The following ARHGAP10 variants were observed in gnomAD, a reference collection of about 807,000 sequenced individuals.
ARHGAP10 encodes Rho GTPase activating protein 10.
ARHGAP10 carries 87 observed loss-of-function variants against 108.6 expected under a neutral mutation model. That is an observed-to-expected ratio of 0.80 (90% CI 0.67 to 0.96). ARHGAP10 has a LOEUF of 0.96. ARHGAP10 is among the 40% of genes least tolerant of loss of function. ARHGAP10 has a pLI of 0.00. For synonymous variants in ARHGAP10, 347 were observed against 341.1 expected (o/e 1.02, Z -0.19); for missense variants, 939 against 954.5 (o/e 0.98, Z 0.21).
intron 20 of ARHGAP10, among the ~76,000 whole-genome samples, chr4:148,050,139 T>C (rs1249215342): frequency 1.3e-5 from 2 of 152,184 alleles, no homozygotes; most frequent in African/African-American, 2.4e-5. Flanking sequence ...AATGCTGGGA[T>C]TACAGGCGTG....
intron 4 of ARHGAP10, among the ~76,000 whole-genome samples, chr4:147,849,986 G>C (rs1432816571): frequency 6.6e-6 from 1 of 152,204 alleles, no homozygotes; most frequent in African/African-American, 2.4e-5. Flanking sequence ...GAACTTTTCT[G>C]TCTAGCTAAA....
chr4:147,990,452 C>G (rs552611175), intron 18 of ARHGAP10, among the ~76,000 whole-genome samples: 2 of 152,294 alleles, frequency 1.3e-5, no homozygotes, highest in South Asian at 4.1e-4. Context: ...TCCAAGATAA[C>G]TAAAAGTCAG....
chr4:148,055,151 C>T (rs115148499), intron 20 of ARHGAP10, among the ~76,000 whole-genome samples: 4 of 152,304 alleles, frequency 2.6e-5, no homozygotes, highest in African/African-American at 4.8e-5. Context: ...TGTAATTCTG[C>T]GCCTGTTCTC....
intron 9 of ARHGAP10, among the ~76,000 whole-genome samples, chr4:147,880,950 C>T (rs923113211): frequency 1.3e-5 from 2 of 152,182 alleles, no homozygotes; most frequent in African/African-American, 4.8e-5. Flanking sequence ...ATTCCAGTAT[C>T]TTAAAACTGT....
At chr4:147,928,254 A>G (rs1292643996) in intron 13 of ARHGAP10, among the ~76,000 whole-genome samples, 1 of 152,218 alleles carries the variant, frequency 6.6e-6, no homozygotes, top group African/African-American at 2.4e-5. Context: ...CCCAGAAGTG[A>G]GTATTTGCTT....
At chr4:147,744,777 G>A (rs1014923192) in intron 1 of ARHGAP10, among the ~76,000 whole-genome samples, 2 of 152,098 alleles carry the variant, frequency 1.3e-5, no homozygotes, top group African/African-American at 4.8e-5. Flanking sequence ...AAGGTATTTC[G>A]TAGTAGCCAG....
At chr4:148,017,052 G>C (rs1290988965) in intron 18 of ARHGAP10, among the ~76,000 whole-genome samples, 2 of 151,688 alleles carry the variant, frequency 1.3e-5, no homozygotes, top group African/African-American at 4.8e-5. Context: ...CTACTCGGGA[G>C]GCTGAGGCAG....
chr4:147,789,991 ATTTTTTTT>A (rs767313173), intron 1 of ARHGAP10, among the ~76,000 whole-genome samples: 11 of 117,806 alleles, frequency 9.3e-5, no homozygotes, highest in African/African-American at 2.5e-4. Flanking sequence ...TGGTGTGTGG[ATTTTTTTT>A]TTTTTTTTTT....
intron 18 of ARHGAP10, among the ~76,000 whole-genome samples, chr4:148,021,051 A>T (rs929223252): frequency 6.6e-6 from 1 of 152,180 alleles, no homozygotes; most frequent in African/African-American, 2.4e-5. Flanking sequence ...ATGTAAACCA[A>T]AGAAAACAAA....
intron 15 of ARHGAP10, among the ~76,000 whole-genome samples, chr4:147,949,858 C>T (rs1323945045): frequency 2.6e-5 from 4 of 152,112 alleles, no homozygotes; most frequent in East Asian, 1.9e-4. Context: ...TCCTCCATTC[C>T]GTATGGTTCT....
chr4:147,757,389 T>A (rs2126700436), intron 1 of ARHGAP10, among the ~76,000 whole-genome samples: 1 of 152,154 alleles, frequency 6.6e-6, no homozygotes, highest in South Asian at 2.1e-4. Flanking sequence ...GGAGATGGGG[T>A]TTCACAGTGT....
chr4:148,035,505 T>C (rs1444836372), intron 19 of ARHGAP10, among the ~76,000 whole-genome samples: 1 of 152,224 alleles, frequency 6.6e-6, no homozygotes, highest in Non-Finnish European at 1.5e-5. Flanking sequence ...AAGTGAATTA[T>C]TATCTAGCAA....
intron 20 of ARHGAP10, among the ~76,000 whole-genome samples, chr4:148,062,189 G>GTT (rs1314056268): frequency 2.0e-5 from 3 of 152,218 alleles, no homozygotes; most frequent in Non-Finnish European, 2.9e-5. Flanking sequence ...GTGTCACCGT[G>GTT]TTGGAGGATT....
At chr4:148,005,308 G>A (rs1208295413) in intron 18 of ARHGAP10, among the ~76,000 whole-genome samples, 2 of 152,090 alleles carry the variant, frequency 1.3e-5, no homozygotes, top group Non-Finnish European at 2.9e-5. Flanking sequence ...TATAAGCTAG[G>A]TGTGCTGGCT....
At chr4:147,768,302 T>A (rs761605070) in intron 1 of ARHGAP10, among the ~76,000 whole-genome samples, 1 of 152,216 alleles carries the variant, frequency 6.6e-6, no homozygotes, top group Non-Finnish European at 1.5e-5. Flanking sequence ...TGGAGCTATC[T>A]GAGGATGGCA....
intron 19 of ARHGAP10, among the ~76,000 whole-genome samples, chr4:148,038,824 A>G (rs1227436874): frequency 4.6e-5 from 7 of 152,220 alleles, no homozygotes; most frequent in Non-Finnish European, 1.0e-4. Flanking sequence ...TTTTGGTTGA[A>G]GTCTGTTTTT....
intron 1 of ARHGAP10, among the ~76,000 whole-genome samples, chr4:147,754,303 C>G (rs928746115): frequency 1.3e-5 from 2 of 152,200 alleles, no homozygotes; most frequent in South Asian, 2.1e-4. Context: ...TAACTCCATA[C>G]CATTTGTTGC....
intron 21 of ARHGAP10, among the ~76,000 whole-genome samples, chr4:148,063,594 C>T (rs990636513): frequency 6.6e-6 from 1 of 152,202 alleles, no homozygotes; most frequent in Non-Finnish European, 1.5e-5. Flanking sequence ...GAACTTCTTG[C>T]TCATGAGTAT....
At chr4:147,886,007 T>C (rs1328330559) in intron 10 of ARHGAP10, among the ~76,000 whole-genome samples, 1 of 152,156 alleles carries the variant, frequency 6.6e-6, no homozygotes, top group Non-Finnish European at 1.5e-5. Flanking sequence ...TGGGTTGTAG[T>C]CAGAACTTCA....
Sources: gnomAD v4.1 joint callset for allele counts (sites outside exome capture counted in the v4.1 genomes callset) on GRCh38, gnomAD v4.1.1 for gene constraint, MANE v1.5 for transcripts, NCBI Gene and HGNC (gene_info 2026-07-23, HGNC 2026-07-21) for gene names.